NCAPG2: variants seen among roughly 807,000 people sequenced by gnomAD.
NCAPG2 encodes condensin-2 complex subunit G2.
NCAPG2 carries 53 observed loss-of-function variants against 141.1 expected under a neutral mutation model. The observed-to-expected ratio is 0.38, with a 90% CI of 0.30 to 0.47. The LOEUF is 0.47. NCAPG2 is among the 20% of genes least tolerant of loss of function. The pLI is 0.99. For synonymous variants in NCAPG2, 499 were observed against 490.7 expected (o/e 1.02, Z -0.22); for missense variants, 1,087 against 1,389.0 (o/e 0.78, Z 3.46).
intron 23 of NCAPG2, 22 bp from the exon 24 acceptor site, chr7:158,650,994 A>T: frequency 6.5e-7 from 1 of 1,544,360 alleles, no homozygotes; most frequent in African/African-American, 1.4e-5. Flanking sequence ...CACATACGTC[A>T]CTTTTAATGA....
At chr7:158,645,773 A>G (rs1830967429) in intron 25 of NCAPG2, among the ~76,000 whole-genome samples, 154 bp from the exon 26 acceptor site, 2 of 152,182 alleles carry the variant, frequency 1.3e-5, no homozygotes, top group South Asian at 4.1e-4. Flanking sequence ...TTTCATGGAG[A>G]GTGTGCCAGA....
At chr7:158,637,543 T>TCAAGAGAGCCTGC (rs1830338671) in intron 27 of NCAPG2, among the ~76,000 whole-genome samples, 7 of 108,660 alleles carry the variant, frequency 6.4e-5, no homozygotes, top group African/African-American at 2.5e-4. Flanking sequence ...CAGGAGCCTG[T>TCAAGAGAGCCTGC]GGGACTCAAG....
chr7:158,656,767 A>G, intron 17 of NCAPG2, 62 bp from the exon 18 acceptor site: 1 of 1,554,886 alleles, frequency 6.4e-7, no homozygotes. Flanking sequence ...AACTTTGTCA[A>G]AAGGTGAGGA....
At chr7:158,681,913 C>G (rs1362792239) in intron 9 of NCAPG2, among the ~76,000 whole-genome samples, 1 of 152,082 alleles carries the variant, frequency 6.6e-6, no homozygotes, top group African/African-American at 2.4e-5. Flanking sequence ...TGCCTGAAAC[C>G]TCTTTCAATA....
At position 158,655,474 on chromosome 7, in the gene NCAPG2, A is replaced by G; in HGVS notation, c.2389-19T>C. On this transcript the variant is annotated intron_variant, in intron 19 of 27. Transcript: ENST00000356309. ...GATCTGCCTGTAATAGAAAAAACCCAAGGGCCACATGCTGACTGACAAGGC... is the reference window on the plus strand; with the variant it reads ...GATCTGCCTGTAATAGAAAAAACCCGAGGGCCACATGCTGACTGACAAGGC... 3 of 1,598,772 alleles carry G rather than the reference A, an allele frequency of 1.9e-6. No homozygotes were observed. The highest frequency in any genetic ancestry group is 2.6e-6 in the Non-Finnish European group (3 of 1,166,290).
intron 23 of NCAPG2, among the ~76,000 whole-genome samples, chr7:158,651,777 C>T (rs1041428749): frequency 6.6e-6 from 1 of 152,212 alleles, no homozygotes; most frequent in Non-Finnish European, 1.5e-5. Context: ...CTGTGACTCT[C>T]GTTTCCAACC....
intron 12 of NCAPG2, among the ~76,000 whole-genome samples, chr7:158,673,637 G>A (rs1046577232): frequency 6.6e-6 from 1 of 152,206 alleles, no homozygotes; most frequent in Non-Finnish European, 1.5e-5. Flanking sequence ...GAATCTCAGA[G>A]CTACCTGCTG....
At chr7:158,646,409 G>C in intron 25 of NCAPG2, 51 bp downstream of exon 25, 1 of 1,361,670 alleles carries the variant, frequency 7.3e-7, no homozygotes. Flanking sequence ...AAGCTGCTGA[G>C]CGCTTACAGC....
Position 158,631,921 on chromosome 7 carries a change from G to A in NCAPG2, c.3381-204C>T, listed in dbSNP as rs184675578. On this transcript the variant is annotated intron_variant, in intron 27 of 27. Coordinates refer to ENST00000356309, the MANE Select transcript of NCAPG2 (RefSeq NM_017760.7). Reference sequence around the variant, plus strand: ...CACAGCAGTCAGGACACATGGCACTGGAGCACAGGCTTGGGTTGACCGTGG... The same window carrying A: ...CACAGCAGTCAGGACACATGGCACTAGAGCACAGGCTTGGGTTGACCGTGG... 1.6e-4 allele frequency among the ~76,000 whole-genome samples: 24 copies of A among 152,290 alleles called. 1 individual carries two copies. The highest frequency in any genetic ancestry group is 5.5e-4 in the African/African-American group (23 of 41,558).
At chr7:158,677,819 T>C (rs185428013) in intron 11 of NCAPG2, among the ~76,000 whole-genome samples, 8 of 152,246 alleles carry the variant, frequency 5.3e-5, no homozygotes, top group Non-Finnish European at 1.2e-4. Flanking sequence ...AAAGAATCCT[T>C]TTCTTTTTTG....
At chr7:158,644,193 G>A (rs771384596) in intron 27 of NCAPG2, 96 bp downstream of exon 27, 4 of 1,019,460 alleles carry the variant, frequency 3.9e-6, no homozygotes, top group Non-Finnish European at 6.1e-6. Context: ...TAACCACCTG[G>A]GTGTAAGTAG....
intron 11 of NCAPG2, among the ~76,000 whole-genome samples, chr7:158,677,525 CA>C: frequency 1.3e-3 from 117 of 90,386 alleles, no homozygotes; most frequent in East Asian, 9.0e-3. Flanking sequence ...AAAAATAAAG[CA>C]AAAAAAAAAA....
intron 2 of NCAPG2, among the ~76,000 whole-genome samples, chr7:158,700,178 G>A (rs531937231): frequency 3.3e-5 from 5 of 152,246 alleles, no homozygotes; most frequent in East Asian, 1.9e-4. Flanking sequence ...ATTTTTACAC[G>A]TAAGAGCCAC....
At chr7:158,641,246 C>T (rs1830623592) in intron 27 of NCAPG2, 1 of 359,672 alleles carries the variant, frequency 2.8e-6, no homozygotes, top group Non-Finnish European at 4.9e-6. Flanking sequence ...ACAAGGGGAA[C>T]AAATAGAAGA....
rs929532634 is a variant in NCAPG2 at position 158,664,413 on chromosome 7, C to T, written c.1702+115G>A. ...AAGTACTATTTTAAGGGAAATCATTCAGAAATGCATTAAAGTATGAAGCTT... is the reference window on the plus strand; with the variant it reads ...AAGTACTATTTTAAGGGAAATCATTTAGAAATGCATTAAAGTATGAAGCTT... On this transcript the variant is annotated intron_variant, in intron 14 of 27. Coordinates refer to ENST00000356309, the MANE Select transcript of NCAPG2 (RefSeq NM_017760.7). The T allele has an allele frequency of 4.0e-6, 6 of 1,487,064 alleles. No homozygotes were observed. The African/African-American group carries it at 8.4e-5, about 21-fold the overall frequency. 92.1% of individuals were successfully genotyped at this position (1,487,064 alleles called of 1,614,324 possible). A position where few individuals can be genotyped will look rare whatever the true frequency, so the allele number is the denominator to read the frequency against.
intron 27 of NCAPG2, among the ~76,000 whole-genome samples, chr7:158,643,225 A>C (rs902451133): frequency 6.6e-6 from 1 of 152,106 alleles, no homozygotes; most frequent in African/African-American, 2.4e-5. Context: ...CGGCCTCCCA[A>C]AGTGCTGGGA....
rs189698598 is a variant in NCAPG2, at chr7:158,637,100, A to G, written c.3381-5383T>C. On this transcript the variant is annotated intron_variant, in intron 27 of 27. Transcript: ENST00000356309. ...GCAGCTGGGACTACAGGCGCCCGCC[A>G]CCATGCCCGGCTAATTTTTTATATT... Among the ~76,000 whole-genome samples the G allele has an allele frequency of 2.3e-3, 356 of 152,140 alleles. 4 individuals are homozygous for G. The highest frequency in any genetic ancestry group is 8.1e-3 in the African/African-American group (335 of 41,510).
intron 17 of NCAPG2, 43 bp downstream of exon 17, chr7:158,658,295 A>G: frequency 6.5e-7 from 1 of 1,534,980 alleles, no homozygotes; most frequent in South Asian, 1.2e-5. Context: ...AACAATGGAC[A>G]GGATTCCTAC....
intron 13 of NCAPG2, among the ~76,000 whole-genome samples, chr7:158,670,376 G>A (rs1237974494): frequency 6.6e-6 from 1 of 152,026 alleles, no homozygotes; most frequent in Non-Finnish European, 1.5e-5. Flanking sequence ...GACCAGCCTG[G>A]GCAACATGGG....
Sources: gnomAD v4.1 joint callset for allele counts (sites outside exome capture counted in the v4.1 genomes callset) on GRCh38, gnomAD v4.1.1 for gene constraint, MANE v1.5 for transcripts, NCBI Gene and HGNC (gene_info 2026-07-23, HGNC 2026-07-21) for gene names.